Variants in KANTR observed in about 807,000 individuals in gnomAD.
KANTR encodes KDM5C adjacent transcript.
chrX:53,116,408 G>A (rs782691544), intron 2 of KANTR, among the ~76,000 whole-genome samples: 3 of 112,048 alleles, frequency 2.7e-5, no homozygotes, highest in African/African-American at 9.7e-5. Context: ...TTTCCTTGGC[G>A]TGCATATAGC....
At chrX:53,119,824 G>A (rs1933190467) in intron 2 of KANTR, among the ~76,000 whole-genome samples, 1 of 108,992 alleles carries the variant, frequency 9.2e-6, no homozygotes, top group Admixed American at 9.9e-5. Flanking sequence ...GGCTCAAGCG[G>A]TCCTCCCACC....
intron 2 of KANTR, among the ~76,000 whole-genome samples, chrX:53,101,348 G>A (rs1375997340): frequency 2.7e-5 from 3 of 112,216 alleles, no homozygotes; most frequent in African/African-American, 9.7e-5. Context: ...GCCCACGACT[G>A]TAATCCCAGC....
chrX:53,143,051 G>A (rs781862260), downstream of KANTR: 349 of 1,201,364 alleles, frequency 2.9e-4, no homozygotes, highest in Non-Finnish European at 3.8e-4. Flanking sequence ...AGGTCTTTGC[G>A]GATGTCCACG....
At chrX:53,107,799 C>T (rs1277459405) in intron 2 of KANTR, among the ~76,000 whole-genome samples, 4 of 110,453 alleles carry the variant, frequency 3.6e-5, no homozygotes, top group Admixed American at 2.9e-4. Context: ...CTCTGTTGCT[C>T]AAACTAGAGT....
intron 2 of KANTR, among the ~76,000 whole-genome samples, chrX:53,121,816 AC>A (rs1556815555): frequency 9.0e-6 from 1 of 111,440 alleles, no homozygotes; most frequent in East Asian, 2.8e-4. Flanking sequence ...TATCAGAGGT[AC>A]CTGGTATCCA....
chrX:53,131,776 G>A (rs1341200608), downstream of KANTR, among the ~76,000 whole-genome samples: 1 of 111,877 alleles, frequency 8.9e-6, no homozygotes, highest in East Asian at 2.8e-4. Flanking sequence ...GTTCTAGGCA[G>A]TGCAGTCAGG....
chrX:53,133,870 C>T (rs1933389394), intron 2 of KANTR, among the ~76,000 whole-genome samples: 1 of 111,434 alleles, frequency 9.0e-6, no homozygotes, highest in African/African-American at 3.3e-5. Flanking sequence ...TCTGACTTCC[C>T]CAGAAGCAGC....
At chrX:53,131,236 A>G (rs1933357810), downstream of KANTR, among the ~76,000 whole-genome samples, 1 of 111,555 alleles carries the variant, frequency 9.0e-6, no homozygotes, top group Admixed American at 9.6e-5. Flanking sequence ...CTCAGTAACC[A>G]TCCCAGACAC....
At chrX:53,143,036 C>T (rs193014569), downstream of KANTR, 38 of 1,199,911 alleles carry the variant, frequency 3.2e-5, no homozygotes, top group East Asian at 8.0e-4. Flanking sequence ...ACTGTGTTGG[C>T]GTACAGGTCT....
At chrX:53,097,840 C>T (rs1321361473) in intron 1 of KANTR, among the ~76,000 whole-genome samples, 2 of 105,021 alleles carry the variant, frequency 1.9e-5, no homozygotes, top group South Asian at 4.5e-4. Flanking sequence ...CACCTGAGGT[C>T]GGGAGTTCGA....
At chrX:53,114,337 G>A (rs933349325) in intron 2 of KANTR, among the ~76,000 whole-genome samples, 5 of 112,875 alleles carry the variant, frequency 4.4e-5, no homozygotes, top group South Asian at 7.3e-4. Context: ...CTGAGCCACC[G>A]TGCTTGGCCT....
chrX:53,135,963 A>G (rs377612328), intron 2 of KANTR, among the ~76,000 whole-genome samples: 1 of 112,113 alleles, frequency 8.9e-6, no homozygotes, highest in Non-Finnish European at 1.9e-5. Context: ...ACCACAGTCT[A>G]TACAACAGCC....
Position 53,108,689 on chromosome X carries a change from T to C in KANTR, c.-805+9081T>C, listed in dbSNP as rs899935771. Among the ~76,000 whole-genome samples, 4 of 99,938 alleles carry C rather than the reference T, an allele frequency of 4.0e-5. No homozygotes were observed. In the Admixed American group the frequency reaches 4.8e-4, roughly 12 times the overall value. The allele number at this position is 99,938 out of a possible 115,157, so 86.8% of individuals were successfully genotyped here. ...CTAAATAGAGATAGTTTCACTTTTTTCTTTCCTGTCTGAATGCCTTTTTTT... is the reference window on the plus strand; with the variant it reads ...CTAAATAGAGATAGTTTCACTTTTTCCTTTCCTGTCTGAATGCCTTTTTTT... On this transcript the variant is annotated intron_variant, in intron 2 of 2. Coordinates refer to ENST00000604062, the Ensembl canonical transcript of KANTR.
downstream of KANTR, among the ~76,000 whole-genome samples, chrX:53,146,346 G>A (rs1440608471): frequency 8.9e-6 from 1 of 112,101 alleles, no homozygotes; most frequent in African/African-American, 3.2e-5. Flanking sequence ...TCTGATGAAT[G>A]CACAAGCCTC....
At chrX:53,102,655 G>A (rs1010372436) in intron 2 of KANTR, among the ~76,000 whole-genome samples, 5 of 111,457 alleles carry the variant, frequency 4.5e-5, no homozygotes, top group Non-Finnish European at 9.4e-5. Flanking sequence ...TTTCTTTCAT[G>A]AAATATGTTG....
intron 2 of KANTR, among the ~76,000 whole-genome samples, chrX:53,109,632 C>G (rs1933000622): frequency 8.9e-6 from 1 of 112,153 alleles, no homozygotes; most frequent in Admixed American, 9.5e-5. Flanking sequence ...AATGGGATTG[C>G]TTTCTTGATT....
At chrX:53,103,804 C>G (rs1556812274) in intron 2 of KANTR, among the ~76,000 whole-genome samples, 1 of 111,510 alleles carries the variant, frequency 9.0e-6, no homozygotes, top group Non-Finnish European at 1.9e-5. Flanking sequence ...GCATCTGTAT[C>G]CACATACTCT....
At chrX:53,142,529 C>T (rs1270222399) in exon 3 of KANTR, 2 of 232,042 alleles carry the variant, frequency 8.6e-6, no homozygotes, top group Non-Finnish European at 8.0e-6. Flanking sequence ...TTGGCCAGGC[C>T]GGTCTCAAAC....
At chrX:53,124,873 T>G (rs1036041389) in exon 3 of KANTR, 14 of 116,090 alleles carry the variant, frequency 1.2e-4, no homozygotes, top group African/African-American at 3.9e-4. Flanking sequence ...GTGTGCTAAT[T>G]TATAAGAATG....
Sources: allele counts gnomAD v4.1 joint callset (sites outside exome capture counted in the v4.1 genomes callset), GRCh38; gene constraint gnomAD v4.1.1; transcripts MANE v1.5; gene names NCBI Gene and HGNC (gene_info 2026-07-23, HGNC 2026-07-21).